MEMO1: variants seen among roughly 807,000 people sequenced by gnomAD.
MEMO1 encodes protein MEMO1.
In MEMO1, 6 loss-of-function variants were observed where a neutral mutation model predicts 45.2. That is an observed-to-expected ratio of 0.13 (90% confidence interval 0.07 to 0.26). The LOEUF is 0.26. MEMO1 is among the 10% of genes least tolerant of loss of function. The probability of loss-of-function intolerance (pLI) is 1.00; values close to 1 mark genes in which losing one functional copy is unlikely to be tolerated. For missense variants in MEMO1, 184 were observed against 370.5 expected, an observed-to-expected ratio of 0.50 and a Z score of 4.13; for synonymous variants, 78 against 124.3, an observed-to-expected ratio of 0.63 and a Z score of 2.48.
At chr2:31,977,044 AT>A (rs1267610796) in intron 2 of MEMO1, among the ~76,000 whole-genome samples, 2 of 152,188 alleles carry the variant, frequency 1.3e-5, no homozygotes, top group African/African-American at 4.8e-5. Flanking sequence ...CTAATAAAGG[AT>A]TTAGAGTTCA....
At chr2:31,873,152 A>C (rs1674040070) in intron 8 of MEMO1, among the ~76,000 whole-genome samples, 1 of 152,186 alleles carries the variant, frequency 6.6e-6, no homozygotes, top group Non-Finnish European at 1.5e-5. Context: ...AGTAAGTCTA[A>C]AGTCCAGGCA....
chr2:31,979,075 G>C (rs1670346728), intron 2 of MEMO1, among the ~76,000 whole-genome samples: 1 of 152,202 alleles, frequency 6.6e-6, no homozygotes, highest in Non-Finnish European at 1.5e-5. Context: ...CATGGCTGGG[G>C]AGGTGGCAGA....
At chr2:31,883,601 C>A (rs1675727572) in intron 7 of MEMO1, 139 bp from the exon 8 acceptor site, 1 of 587,014 alleles carries the variant, frequency 1.7e-6, no homozygotes, top group East Asian at 3.0e-5. Context: ...TCCCAAGAGC[C>A]CTTGTACATA....
At chr2:31,885,658 T>C (rs1313691905) in intron 7 of MEMO1, among the ~76,000 whole-genome samples, 4 of 152,334 alleles carry the variant, frequency 2.6e-5, no homozygotes, top group Admixed American at 2.0e-4. Context: ...CAAGGTAGTA[T>C]ACACCTCAAT....
intron 2 of MEMO1, among the ~76,000 whole-genome samples, chr2:31,990,640 C>G (rs938498433): frequency 4.0e-5 from 6 of 148,962 alleles, no homozygotes; most frequent in Admixed American, 2.0e-4. Context: ...AACTGGTGAG[C>G]TCAAGTGATC....
intron 3 of MEMO1, among the ~76,000 whole-genome samples, chr2:31,935,516 A>G (rs1192923481): frequency 1.3e-5 from 2 of 152,154 alleles, no homozygotes; most frequent in Non-Finnish European, 2.9e-5. Context: ...CTTAAGTTGA[A>G]AAGGTCTTAA....
chr2:31,946,578 C>T (rs1169238536), intron 2 of MEMO1, among the ~76,000 whole-genome samples: 1 of 152,216 alleles, frequency 6.6e-6, no homozygotes, highest in South Asian at 2.1e-4. Flanking sequence ...ATGACAACAC[C>T]GGGCCAGGCG....
At chr2:31,900,774 G>T (rs1202596623) in intron 6 of MEMO1, among the ~76,000 whole-genome samples, 2 of 151,992 alleles carry the variant, frequency 1.3e-5, no homozygotes, top group Non-Finnish European at 2.9e-5. Flanking sequence ...CTATCAGAAT[G>T]GCTATAATCA....
chr2:31,952,295 C>G (rs1666928778), intron 2 of MEMO1, among the ~76,000 whole-genome samples: 1 of 152,040 alleles, frequency 6.6e-6, no homozygotes, highest in African/African-American at 2.4e-5. Context: ...TACTGTATTT[C>G]AGAATACAAT....
At chr2:31,965,994 G>A (rs1332280664) in intron 2 of MEMO1, among the ~76,000 whole-genome samples, 1 of 152,090 alleles carries the variant, frequency 6.6e-6, no homozygotes, top group East Asian at 1.9e-4. Context: ...TTTTTAAAAT[G>A]AGGATAAAAC....
intron 8 of MEMO1, among the ~76,000 whole-genome samples, chr2:31,879,651 C>G (rs1461071974): frequency 6.6e-6 from 1 of 152,142 alleles, no homozygotes; most frequent in African/African-American, 2.4e-5. Context: ...TAAACACAAT[C>G]TGGCAGTATC....
chr2:31,888,906 C>T (rs558794975), intron 7 of MEMO1, among the ~76,000 whole-genome samples: 9 of 152,104 alleles, frequency 5.9e-5, no homozygotes, highest in African/African-American at 1.9e-4. Context: ...TACTTCAGTA[C>T]GTCTACCTTT....
At chr2:31,968,130 T>G (rs1399666142) in intron 2 of MEMO1, among the ~76,000 whole-genome samples, 1 of 152,210 alleles carries the variant, frequency 6.6e-6, no homozygotes, top group Non-Finnish European at 1.5e-5. Flanking sequence ...GCTGCTGTGC[T>G]TAATAAAAAT....
chr2:32,002,077 A>G (rs2148599037), intron 2 of MEMO1, among the ~76,000 whole-genome samples: 1 of 147,094 alleles, frequency 6.8e-6, no homozygotes, highest in East Asian at 2.0e-4. Context: ...ACCAGGAGGC[A>G]GAGCTTGCAG....
At chr2:31,983,588 C>A (rs1670918436) in intron 2 of MEMO1, among the ~76,000 whole-genome samples, 1 of 152,130 alleles carries the variant, frequency 6.6e-6, no homozygotes, top group South Asian at 2.1e-4. Context: ...GCATGCACCA[C>A]CATACCCGGC....
At chr2:31,965,422 A>G (rs963651511) in intron 2 of MEMO1, among the ~76,000 whole-genome samples, 2 of 152,102 alleles carry the variant, frequency 1.3e-5, no homozygotes, top group Non-Finnish European at 2.9e-5. Context: ...GAAACAAGTC[A>G]GCCATAGGAT....
chr2:31,968,120 G>A (rs1055423308), intron 2 of MEMO1, among the ~76,000 whole-genome samples: 1 of 152,180 alleles, frequency 6.6e-6, no homozygotes, highest in Non-Finnish European at 1.5e-5. Flanking sequence ...AATAGAATTA[G>A]CTGCTGTGCT....
At chr2:31,915,967 C>G (rs1407535179) in intron 6 of MEMO1, among the ~76,000 whole-genome samples, 1 of 151,864 alleles carries the variant, frequency 6.6e-6, no homozygotes, top group East Asian at 1.9e-4. Context: ...GTAATGAGTC[C>G]AACTAATGCT....
At chr2:31,872,641 T>C (rs1673948366) in intron 8 of MEMO1, among the ~76,000 whole-genome samples, 2 of 152,054 alleles carry the variant, frequency 1.3e-5, no homozygotes, top group Admixed American at 1.3e-4. Context: ...GAGTTAAAAA[T>C]GAAGATATAC....
Sources: gnomAD v4.1 joint callset for allele counts (sites outside exome capture counted in the v4.1 genomes callset) on GRCh38, gnomAD v4.1.1 for gene constraint, MANE v1.5 for transcripts, NCBI Gene and HGNC (gene_info 2026-07-23, HGNC 2026-07-21) for gene names.